Variants in ATG4A observed in about 807,000 individuals in gnomAD.
ATG4A encodes cysteine protease ATG4A.
A neutral mutation model predicts 38.4 loss-of-function variants in ATG4A; 22 were observed. That is an observed-to-expected ratio of 0.57 (90% CI 0.41 to 0.82). The LOEUF (loss-of-function observed/expected upper bound fraction) is 0.82, where lower values mean the gene tolerates loss of function less well. ATG4A is among the 40% of genes least tolerant of loss of function. ATG4A has a pLI of 0.00. For synonymous variants in ATG4A, 86 were observed against 100.7 expected (o/e 0.85, Z 0.88); for missense variants, 220 against 290.0 (o/e 0.76, Z 1.75).
intron 1 of ATG4A, among the ~76,000 whole-genome samples, chrX:108,099,035 A>G (rs1187614148): frequency 8.9e-6 from 1 of 111,827 alleles, no homozygotes; most frequent in Non-Finnish European, 1.9e-5. Context: ...GACGGTAAAT[A>G]TATGTTTAAT....
intron 1 of ATG4A, among the ~76,000 whole-genome samples, chrX:108,109,303 CTA>C (rs1295273036): frequency 1.8e-5 from 2 of 112,148 alleles, no homozygotes; most frequent in Non-Finnish European, 3.8e-5. Context: ...CTTTAGATAA[CTA>C]TTCAATTCTT....
At chrX:108,130,344 G>A (rs144532683) in intron 3 of ATG4A, among the ~76,000 whole-genome samples, 1,318 of 112,011 alleles carry the variant, frequency 0.012, 5 homozygotes, top group Middle Eastern at 0.037. Flanking sequence ...TATCCTCTCT[G>A]CCATACAAGT....
intron 9 of ATG4A, among the ~76,000 whole-genome samples, chrX:108,148,550 C>T (rs2033497304): frequency 9.2e-6 from 1 of 109,236 alleles, no homozygotes; most frequent in South Asian, 4.0e-4. Context: ...ACACACACCA[C>T]CCATGGGAAA....
intron 1 of ATG4A, among the ~76,000 whole-genome samples, chrX:108,095,527 AT>A (rs1448533198): frequency 9.2e-6 from 1 of 109,282 alleles, no homozygotes; most frequent in Non-Finnish European, 1.9e-5. Flanking sequence ...TCCAGCTGAG[AT>A]TTCATTTATT....
intron 6 of ATG4A, among the ~76,000 whole-genome samples, chrX:108,136,553 G>C (rs1351784307): frequency 9.0e-6 from 1 of 111,447 alleles, no homozygotes; most frequent in African/African-American, 3.3e-5. Context: ...AGGGCAGCTG[G>C]GGAACAGTGG....
chrX:108,131,612 G>T (rs1012910043), intron 4 of ATG4A, among the ~76,000 whole-genome samples: 1 of 112,101 alleles, frequency 8.9e-6, no homozygotes, highest in Admixed American at 9.4e-5. Flanking sequence ...ATCGAGGGAG[G>T]TATGTCATTT....
intron 4 of ATG4A, among the ~76,000 whole-genome samples, chrX:108,131,870 A>G: frequency 8.9e-6 from 1 of 111,809 alleles, no homozygotes; most frequent in Non-Finnish European, 1.9e-5. Flanking sequence ...AGGACATTTA[A>G]TTAAGAAAGC....
At chrX:108,141,090 A>G (rs1420830765) in intron 9 of ATG4A, among the ~76,000 whole-genome samples, 6 of 78,886 alleles carry the variant, frequency 7.6e-5, no homozygotes, top group African/African-American at 2.4e-4. Flanking sequence ...ATATATATAT[A>G]TATATATATA....
intron 1 of ATG4A, among the ~76,000 whole-genome samples, chrX:108,112,826 T>A (rs1213608269): frequency 8.9e-6 from 1 of 111,795 alleles, no homozygotes; most frequent in Non-Finnish European, 1.9e-5. Flanking sequence ...TTTTTTGGTG[T>A]CTTCCCCTGT....
rs1486113231 is a variant in ATG4A, at chrX:108,134,041, T to A, written c.293-16T>A. ...GTTATAAAAATGTTTCTAACCCATT[T>A]TTTTTTCTTAAAAAGACTGGAGCTG... On this transcript the variant is annotated splice_polypyrimidine_tract_variant and intron_variant, in intron 4 of 12. Coordinates refer to ENST00000372232, the MANE Select transcript of ATG4A (RefSeq NM_052936.5). 1.7e-6 allele frequency: 2 copies of A among 1,165,035 alleles called. No individual in the cohort carries two copies. Among genetic ancestry groups the A allele is most frequent in the Admixed American group, 5.3e-5 (2 of 37,951 alleles).
chrX:108,126,835 C>T lies in ATG4A; in HGVS notation c.121+648C>T, dbSNP rs1394211857. 3 of 881,576 alleles carry T rather than the reference C, an allele frequency of 3.4e-6. No individual in the cohort carries two copies. The African/African-American group carries it at 6.1e-5, about 18-fold the overall frequency. 72.7% of individuals were successfully genotyped at this position (881,576 alleles called of 1,213,427 possible). A position where few individuals can be genotyped will look rare whatever the true frequency, so the allele number is the denominator to read the frequency against. On this transcript the variant is annotated intron_variant, in intron 2 of 12. Transcript: ENST00000372232. ...TTTTAACCTGAAACTGCTAACAGCC[C>T]AGCACCCAGATAAAGCCAGAGCTTG...
At chrX:108,104,976 G>T (rs1373775409) in intron 1 of ATG4A, among the ~76,000 whole-genome samples, 2 of 99,719 alleles carry the variant, frequency 2.0e-5, no homozygotes, top group East Asian at 6.2e-4. Context: ...CTAAATTTCT[G>T]TTTGGTTCTC....
At chrX:108,123,307 G>C (rs749729337) in intron 1 of ATG4A, among the ~76,000 whole-genome samples, 1 of 112,185 alleles carries the variant, frequency 8.9e-6, no homozygotes, top group South Asian at 3.8e-4. Flanking sequence ...ACTCATATCA[G>C]CCTGATATCT....
intron 1 of ATG4A, among the ~76,000 whole-genome samples, chrX:108,124,443 T>G (rs760780694): frequency 1.8e-5 from 2 of 111,944 alleles, no homozygotes; most frequent in Non-Finnish European, 3.8e-5. Flanking sequence ...GTGTTTCTTT[T>G]TCTTTTTCTT....
At chrX:108,103,871 A>C (rs945840581) in intron 1 of ATG4A, among the ~76,000 whole-genome samples, 1 of 112,012 alleles carries the variant, frequency 8.9e-6, no homozygotes, top group Non-Finnish European at 1.9e-5. Context: ...TTTTTGAGAC[A>C]GAGTTTCTCT....
Position 108,151,793 on chromosome X carries a change from T to C in ATG4A, c.961-9T>C. The C allele has an allele frequency of 8.3e-7, 1 of 1,206,102 alleles. No individual in the cohort carries two copies. The highest frequency in any genetic ancestry group is 2.2e-5 in the Admixed American group (1 of 46,014). ...AATTCTAAGTTGTGTTCTTTTGCTT[T>C]CCCCCAAGGGATTTTTCTGCAAAGA... On this transcript the variant is annotated splice_polypyrimidine_tract_variant and intron_variant, in intron 10 of 12. Coordinates refer to ENST00000372232, the MANE Select transcript of ATG4A (RefSeq NM_052936.5).
At chrX:108,122,886 C>A (rs1019839316) in intron 1 of ATG4A, among the ~76,000 whole-genome samples, 12 of 112,124 alleles carry the variant, frequency 1.1e-4, no homozygotes, top group Non-Finnish European at 2.1e-4. Flanking sequence ...TACAAGATTA[C>A]ACGCATGCAT....
chrX:108,098,934 G>C (rs2031917804), intron 1 of ATG4A, among the ~76,000 whole-genome samples: 1 of 111,413 alleles, frequency 9.0e-6, no homozygotes, highest in Admixed American at 9.5e-5. Flanking sequence ...ATTACGAAGA[G>C]AACTCTTATT....
chrX:108,117,548 G>C (rs1184476576), intron 1 of ATG4A, among the ~76,000 whole-genome samples: 1 of 111,748 alleles, frequency 8.9e-6, no homozygotes, highest in Non-Finnish European at 1.9e-5. Flanking sequence ...TGACTGAAAA[G>C]AGTAGATATT....
Sources: allele counts gnomAD v4.1 joint callset (sites outside exome capture counted in the v4.1 genomes callset), GRCh38; gene constraint gnomAD v4.1.1; transcripts MANE v1.5; gene names NCBI Gene and HGNC (gene_info 2026-07-23, HGNC 2026-07-21).